The following MPLKIP variants were observed in gnomAD, a reference collection of about 807,000 sequenced individuals.
MPLKIP encodes the protein M-phase specific PLK1 interacting protein.
A neutral mutation model predicts 16.9 loss-of-function variants in MPLKIP; 16 were observed. The ratio of observed to expected loss-of-function variants is 0.94; its 90% CI spans 0.64 to 1.43. The LOEUF (loss-of-function observed/expected upper bound fraction) is 1.43. MPLKIP is among the 40% of genes most tolerant of loss of function. The pLI is 0.00. For synonymous variants in MPLKIP, 126 were observed against 98.4 expected, an observed-to-expected ratio of 1.28 and a Z score of -1.66; for missense variants, 282 against 237.6, an observed-to-expected ratio of 1.19 and a Z score of -1.23.
rs1449070365 is a variant in MPLKIP, at chr7:40,134,176, T to C, written c.339+53A>G. On this transcript the variant is annotated intron_variant, in intron 1 of 1. Coordinates refer to ENST00000306984, the MANE Select transcript of MPLKIP (RefSeq NM_138701.4). ...ATAATCCACGTAAAGGGAATATTAG[T>C]ACCGTGCCTGCCATAAAGTAAGAGC... 1.2e-5 allele frequency: 19 copies of C among 1,526,506 alleles called. No homozygotes were observed. In the Admixed American group the frequency reaches 2.2e-4, roughly 17 times the overall value. The allele number at this position is 1,526,506 out of a possible 1,614,324, so 94.6% of individuals were successfully genotyped here.
At position 40,127,319 on chromosome 7, in the gene MPLKIP, CAGA is replaced by C. The variant is rs1443212387; in HGVS notation, c.*5737_*5739del. On this transcript the variant is annotated 3_prime_UTR_variant, in exon 2 of 2. Transcript: ENST00000306984. ...GTCCCAGTTACTTGGGAGGCTGAGGCAGAAGAATTGCTTGAACCCGGGAGGTGG... is the reference window on the plus strand; with the variant it reads ...GTCCCAGTTACTTGGGAGGCTGAGGCAGAATTGCTTGAACCCGGGAGGTGG... 1.3e-5 allele frequency: 2 copies of C among 152,156 alleles called. No individual in the cohort carries two copies. The highest frequency in any genetic ancestry group is 1.5e-5 in the Non-Finnish European group (1 of 68,170). The allele number at this position is 152,156 out of a possible 1,614,324, so 9.4% of individuals were successfully genotyped here. A position where few individuals can be genotyped will look rare whatever the true frequency, so the allele number is the denominator to read the frequency against.
intron 1 of MPLKIP, 70 bp from the exon 2 acceptor site, chr7:40,133,329 T>C: frequency 2.2e-6 from 3 of 1,353,254 alleles, no homozygotes; most frequent in African/African-American, 1.4e-5. Flanking sequence ...TAGCTAAAGG[T>C]TAGCGGGAAT....
intron 1 of MPLKIP, 89 bp downstream of exon 1, chr7:40,134,140 G>T: frequency 6.9e-7 from 1 of 1,448,506 alleles, no homozygotes. Context: ...CCTCAGAGAG[G>T]ATTAGACAAA....
In MPLKIP at chr7:40,133,175, G is replaced by T. The variant is rs762250872; in HGVS notation, c.424C>A (p.Pro142Thr). The change falls in exon 2 of 2, where the codon CCT becomes ACT. Residue 142 changes from proline to threonine, a missense_variant. Transcript: ENST00000306984. Reference sequence around the variant, plus strand: ...GCCCAAGGATCTTCAAGCATTGAAGGCTTGAAATAATTTTCCAACTCATTA... The same window carrying T: ...GCCCAAGGATCTTCAAGCATTGAAGTCTTGAAATAATTTTCCAACTCATTA... ...MSNELENYFK[P>T]SMLEDPWAGL... 31 of 1,613,816 alleles carry T rather than the reference G, an allele frequency of 1.9e-5. No homozygotes were observed. The highest frequency in any genetic ancestry group is 2.6e-5 in the Non-Finnish European group (31 of 1,179,880).
At chr7:40,134,002 T>C (rs557243869) in intron 1 of MPLKIP, among the ~76,000 whole-genome samples, 12 of 152,020 alleles carry the variant, frequency 7.9e-5, no homozygotes, top group Non-Finnish European at 1.6e-4. Flanking sequence ...GGCAGTGTAT[T>C]GGTTAAAAGC....
Position 40,134,471 on chromosome 7 carries a change from C to G in MPLKIP, c.97G>C (p.Gly33Arg), listed in dbSNP as rs775211403. 270 of 1,573,658 alleles carry G rather than the reference C, an allele frequency of 1.7e-4. No individual in the cohort carries two copies. The highest frequency in any genetic ancestry group is 2.2e-4 in the Non-Finnish European group (257 of 1,161,442). ...GGGGAGGGCGGCCGTGGTCCGCCCC[C>G]GCCCGGGGTTCCCCGGAAGCTGCTT... The part of the protein sequence containing the change: ...SGSSFRGTPG[G>R]GGPRPPSPRD... The change falls in exon 1 of 2, where the codon GGG becomes CGG. Residue 33 changes from glycine to arginine, a missense_variant. Coordinates refer to ENST00000306984, the MANE Select transcript of MPLKIP (RefSeq NM_138701.4).
rs1787419291 is a variant in MPLKIP at position 40,128,387 on chromosome 7, CTAA to C, written c.*4669_*4671del. On this transcript the variant is annotated 3_prime_UTR_variant, in exon 2 of 2. Transcript: ENST00000306984. ...ACAATTAATATGGAATTTATAGAAC[CTAA>C]TAATAAATGTACTGGCAAGGGTTAA... The C allele has an allele frequency of 6.6e-6, 1 of 152,166 alleles. No individual in the cohort carries two copies. Among genetic ancestry groups the C allele is most frequent in the Admixed American group, 6.5e-5 (1 of 15,280 alleles). 9.4% of individuals were successfully genotyped at this position (152,166 alleles called of 1,614,324 possible).
chr7:40,133,933 C>T (rs1787527047), intron 1 of MPLKIP, among the ~76,000 whole-genome samples: 1 of 142,442 alleles, frequency 7.0e-6, no homozygotes, highest in Non-Finnish European at 1.5e-5. Flanking sequence ...TTGAAACAAA[C>T]TGGCAAGGCC....
At position 40,132,439 on chromosome 7, in the gene MPLKIP, T is replaced by A. The variant is rs1297198857; in HGVS notation, c.*620A>T. The A allele has an allele frequency of 6.5e-6, 1 of 154,396 alleles. No homozygotes were observed. The highest frequency in any genetic ancestry group is 1.9e-4 in the East Asian group (1 of 5,250). 9.6% of individuals were successfully genotyped at this position (154,396 alleles called of 1,614,324 possible). The stretch of plus-strand genomic sequence containing the variant: ...CAGATAGAACACTTTGATTTAGCAA[T>A]GCATGGTCTATTCTTGCCTTTTCCA... On this transcript the variant is annotated 3_prime_UTR_variant, in exon 2 of 2. Coordinates refer to ENST00000306984, the MANE Select transcript of MPLKIP (RefSeq NM_138701.4).
Position 40,131,320 on chromosome 7 carries a change from C to A in MPLKIP, c.*1739G>T, listed in dbSNP as rs1787459407. ...CCATTTTGTTTTTACACGTTTCTTT[C>A]TGGGAATGTTGAAACAAAAGTTTTA... is the stretch of plus-strand genomic sequence containing the variant. On this transcript the variant is annotated 3_prime_UTR_variant, in exon 2 of 2. Coordinates refer to ENST00000306984, the MANE Select transcript of MPLKIP (RefSeq NM_138701.4). 6.6e-6 allele frequency: 1 copy of A among 152,076 alleles called. No homozygotes were observed. The highest frequency in any genetic ancestry group is 2.4e-5 in the African/African-American group (1 of 41,380). 9.4% of individuals were successfully genotyped at this position (152,076 alleles called of 1,614,324 possible).
Position 40,134,536 on chromosome 7 carries a change from G to C in MPLKIP, c.32C>G (p.Pro11Arg), listed in dbSNP as rs768815647. Residue 11 changes from proline (P) to arginine (R), a missense_variant, in exon 1 of 2, where the codon CCT becomes CGT. Physicochemically the swap from Pro to Arg is moderately radical, Grantham distance 103. Coordinates refer to ENST00000306984, the MANE Select transcript of MPLKIP (RefSeq NM_138701.4). MQRQNFRPPT[P>R]PYPGPGGGGW... ...TCCTCCACCCGGACCAGGGTAAGGA[G>C]GAGTTGGGGGCCGAAAATTCTGTCG... is the stretch of plus-strand genomic sequence containing the variant. The C allele has an allele frequency of 2.5e-6, 4 of 1,593,932 alleles. No individual in the cohort carries two copies. The highest frequency in any genetic ancestry group is 3.4e-6 in the Non-Finnish European group (4 of 1,172,050).
rs1040309554 is a variant in MPLKIP, at chr7:40,134,458, C to A, written c.110G>T (p.Arg37Leu). The change falls in exon 1 of 2, where the codon CGG becomes CTG. Residue 37 changes from arginine to leucine, a missense_variant. By Grantham distance (102) the Arg-to-Leu change is moderately radical. Transcript: ENST00000306984. Reference sequence around the variant, plus strand: ...GTACCCGTCTCGAGGGGAGGGCGGCCGTGGTCCGCCCCCGCCCGGGGTTCC... The same window carrying A: ...GTACCCGTCTCGAGGGGAGGGCGGCAGTGGTCCGCCCCCGCCCGGGGTTCC... The part of the protein sequence containing the change: ...FRGTPGGGGP[R>L]PPSPRDGYGS... 2 of 1,569,400 alleles carry A rather than the reference C, an allele frequency of 1.3e-6. No homozygotes were observed. Among genetic ancestry groups the A allele is most frequent in the East Asian group, 2.4e-5 (1 of 42,518 alleles).
rs751808736 is a variant in MPLKIP, at chr7:40,134,489, A to G, written c.79T>C (p.Phe27Leu). 8.2e-6 allele frequency: 13 copies of G among 1,579,562 alleles called. No homozygotes were observed. The South Asian group carries it at 1.4e-4, about 17-fold the overall frequency. The change falls in exon 1 of 2, where the codon TTC becomes CTC. Residue 27 changes from phenylalanine (F) to leucine (L), a missense_variant. Phe to Leu is a conservative substitution (Grantham distance 22, BLOSUM62 0). Coordinates refer to ENST00000306984, the MANE Select transcript of MPLKIP (RefSeq NM_138701.4). ...GGGGWGSGSS[F>L]RGTPGGGGPR... Reference sequence around the variant, plus strand: ...CCGCCCCCGCCCGGGGTTCCCCGGAAGCTGCTTCCGCTACCCCAACCTCCT... The same window carrying G: ...CCGCCCCCGCCCGGGGTTCCCCGGAGGCTGCTTCCGCTACCCCAACCTCCT...
chr7:40,126,858 G>C lies in MPLKIP; in HGVS notation c.*6201C>G, dbSNP rs1041075166. On this transcript the variant is annotated 3_prime_UTR_variant, in exon 2 of 2. Transcript: ENST00000306984. Reference sequence around the variant, plus strand: ...GTCTCGCTCTGTCGCCCAGGCTGGAGTGCAGTGGCGCCATCTTAACTCACT... The same window carrying C: ...GTCTCGCTCTGTCGCCCAGGCTGGACTGCAGTGGCGCCATCTTAACTCACT... 7 of 150,854 alleles carry C rather than the reference G, an allele frequency of 4.6e-5. No individual in the cohort carries two copies. The highest frequency in any genetic ancestry group is 1.7e-4 in the African/African-American group (7 of 40,970). The allele number at this position is 150,854 out of a possible 1,614,324, so 9.3% of individuals were successfully genotyped here.
At chr7:40,133,393 G>T in intron 1 of MPLKIP, 134 bp from the exon 2 acceptor site, 1 of 756,354 alleles carries the variant, frequency 1.3e-6, no homozygotes, top group South Asian at 1.5e-5. Flanking sequence ...CAATTACAAA[G>T]TCCATGCTTC....
rs1475499972 is a variant in MPLKIP at position 40,132,955 on chromosome 7, T to A, written c.*104A>T. Reference sequence around the variant, plus strand: ...AATAACAAAAAGACCTTACTAATTATCCAATCAAAGTCATCATCTTTGGGT... The same window carrying A: ...AATAACAAAAAGACCTTACTAATTAACCAATCAAAGTCATCATCTTTGGGT... On this transcript the variant is annotated 3_prime_UTR_variant, in exon 2 of 2. Transcript: ENST00000306984. The A allele has an allele frequency of 1.0e-6, 1 of 983,772 alleles. No individual in the cohort carries two copies. The highest frequency in any genetic ancestry group is 1.6e-6 in the Non-Finnish European group (1 of 633,012). 60.9% of individuals were successfully genotyped at this position (983,772 alleles called of 1,614,324 possible).
Position 40,131,385 on chromosome 7 carries a change from G to C in MPLKIP, c.*1674C>G, listed in dbSNP as rs890217412. On this transcript the variant is annotated 3_prime_UTR_variant, in exon 2 of 2. Coordinates refer to ENST00000306984, the MANE Select transcript of MPLKIP (RefSeq NM_138701.4). ...GTATTTTGTAACTTCAAAATGCCTA[G>C]AGTCTGTGTTACATGTTAAAACACC... 14 of 152,062 alleles carry C rather than the reference G, an allele frequency of 9.2e-5. No individual in the cohort carries two copies. Among genetic ancestry groups the C allele is most frequent in the African/African-American group, 3.1e-4 (13 of 41,364 alleles). 9.4% of individuals were successfully genotyped at this position (152,062 alleles called of 1,614,324 possible). A position where few individuals can be genotyped will look rare whatever the true frequency, so the allele number is the denominator to read the frequency against.
chr7:40,131,709 G>C lies in MPLKIP; in HGVS notation c.*1350C>G, dbSNP rs374130197. 9 of 152,160 alleles carry C rather than the reference G, an allele frequency of 5.9e-5. No individual in the cohort carries two copies. Among genetic ancestry groups the C allele is most frequent in the Admixed American group, 3.3e-4 (5 of 15,258 alleles). The allele number at this position is 152,160 out of a possible 1,614,324, so 9.4% of individuals were successfully genotyped here. On this transcript the variant is annotated 3_prime_UTR_variant, in exon 2 of 2. Coordinates refer to ENST00000306984, the MANE Select transcript of MPLKIP (RefSeq NM_138701.4). ...CAAAATACAAAAATGAGCCAGGCGC[G>C]TGCCTGTATTCCCAGCTACTCAGGA... is the stretch of plus-strand genomic sequence containing the variant.
rs1276122829 is a variant in MPLKIP, at chr7:40,130,346, C to T, written c.*2713G>A. On this transcript the variant is annotated 3_prime_UTR_variant, in exon 2 of 2. Coordinates refer to ENST00000306984, the MANE Select transcript of MPLKIP (RefSeq NM_138701.4). ...ATAAATAAAAATAGAGTAACGGTAA[C>T]AAACCAAATGGCCAATGCCACAAGA... The T allele has an allele frequency of 6.6e-6, 1 of 152,140 alleles. No homozygotes were observed. Among genetic ancestry groups the T allele is most frequent in the African/African-American group, 2.4e-5 (1 of 41,456 alleles). The allele number at this position is 152,140 out of a possible 1,614,324, so 9.4% of individuals were successfully genotyped here. A position where few individuals can be genotyped will look rare whatever the true frequency, so the allele number is the denominator to read the frequency against.
Sources: gnomAD v4.1 joint callset for allele counts (sites outside exome capture counted in the v4.1 genomes callset) on GRCh38, gnomAD v4.1.1 for gene constraint, MANE v1.5 for transcripts, NCBI Gene and HGNC (gene_info 2026-07-23, HGNC 2026-07-21) for gene names.